CPSF6: variants seen among roughly 807,000 people sequenced by gnomAD.
CPSF6 encodes the protein cleavage and polyadenylation specific factor 6, also known as cleavage and polyadenylation specificity factor subunit 6.
CPSF6 carries 10 observed loss-of-function variants against 56.7 expected under a neutral mutation model. That is an observed-to-expected ratio of 0.18 (90% CI 0.11 to 0.30). The LOEUF is 0.30. Among genes scored for constraint, CPSF6 ranks in the 10% least tolerant of loss-of-function variants. The pLI is 1.00. For missense variants in CPSF6, 419 were observed against 722.9 expected (o/e 0.58, Z 4.82); for synonymous variants, 248 against 244.8 (o/e 1.01, Z -0.12).
chr12:69,259,952 G>T, intron 7 of CPSF6, 92 bp from the exon 8 acceptor site: 1 of 1,326,584 alleles, frequency 7.5e-7, no homozygotes, highest in Non-Finnish European at 1.0e-6. Flanking sequence ...CAGTACTTTT[G>T]TAAAATGCCT....
chr12:69,240,361 C>T (rs1871548847), intron 1 of CPSF6, among the ~76,000 whole-genome samples: 1 of 152,194 alleles, frequency 6.6e-6, no homozygotes, highest in Admixed American at 6.5e-5. Context: ...GAGGTGCGGG[C>T]TCATTTGCAA....
chr12:69,261,190 G>T (rs1226252867), intron 8 of CPSF6, among the ~76,000 whole-genome samples: 1 of 152,182 alleles, frequency 6.6e-6, no homozygotes, highest in Non-Finnish European at 1.5e-5. Context: ...ATGGTCCCCA[G>T]TTTTGTAATT....
Position 69,260,176 on chromosome 12 carries a change from A to G in CPSF6, c.1448A>G (p.Lys483Arg), listed in dbSNP as rs1456402455. 3.1e-6 allele frequency: 5 copies of G among 1,611,274 alleles called. No individual in the cohort carries two copies. Among genetic ancestry groups the G allele is most frequent in the Non-Finnish European group, 4.2e-6 (5 of 1,178,862 alleles). ...GATTGCCTTCATGGAATTGAGTCCAAGTCTTATGGTTCTGGATCAAGGTAA... is the reference window on the plus strand; with the variant it reads ...GATTGCCTTCATGGAATTGAGTCCAGGTCTTATGGTTCTGGATCAAGGTAA... ...LQDCLHGIESKSYGSGSRRER... is the reference protein window; with the variant it reads ...LQDCLHGIESRSYGSGSRRER... Residue 483 changes from lysine (K) to arginine (R), a missense_variant, in exon 8 of 10, where the codon AAG (lysine) becomes AGG (arginine). Physicochemically the swap from Lys to Arg is conservative, Grantham distance 26. Coordinates refer to ENST00000435070, the MANE Select transcript of CPSF6 (RefSeq NM_007007.3).
chr12:69,262,569 A>G lies in CPSF6; in HGVS notation c.*3+7A>G. On this transcript the variant is annotated splice_region_variant and intron_variant, in intron 9 of 9. Transcript: ENST00000435070. ...ATATCGTCATCGTTAGAAGGTGGGT[A>G]TTCCTTGTTCCCTGTTAAATGTGTG... 6.2e-7 allele frequency: 1 copy of G among 1,604,990 alleles called. No individual in the cohort carries two copies. The highest frequency in any genetic ancestry group is 8.5e-7 in the Non-Finnish European group (1 of 1,174,924).
chr12:69,241,750 C>T (rs888688373), intron 1 of CPSF6, among the ~76,000 whole-genome samples: 2 of 152,112 alleles, frequency 1.3e-5, no homozygotes, highest in East Asian at 1.9e-4. Context: ...TACTGCATTA[C>T]GTCTAACACA....
At chr12:69,263,043 A>G (rs754946787) in intron 9 of CPSF6, among the ~76,000 whole-genome samples, 16 of 151,966 alleles carry the variant, frequency 1.1e-4, no homozygotes, top group Non-Finnish European at 1.2e-4. Context: ...ATAGTTTATA[A>G]TACAGGAGGG....
intron 1 of CPSF6, among the ~76,000 whole-genome samples, chr12:69,249,186 G>A (rs1872097246): frequency 7.9e-6 from 1 of 126,988 alleles, no homozygotes; most frequent in Non-Finnish European, 1.6e-5. Context: ...CAGGAGAATG[G>A]CGTGAACCCA....
intron 1 of CPSF6, among the ~76,000 whole-genome samples, chr12:69,243,656 A>G (rs563901332): frequency 7.2e-5 from 11 of 152,318 alleles, no homozygotes; most frequent in Admixed American, 5.2e-4. Context: ...ACACTTGTGT[A>G]GGGCACTCAT....
chr12:69,251,569 A>G (rs1168174127), intron 2 of CPSF6, among the ~76,000 whole-genome samples: 2 of 152,138 alleles, frequency 1.3e-5, no homozygotes, highest in Non-Finnish European at 2.9e-5. Flanking sequence ...GATACTAGTT[A>G]AATATAGTTA....
chr12:69,259,947 C>G (rs1244789274), intron 7 of CPSF6, 97 bp from the exon 8 acceptor site: 10 of 1,277,764 alleles, frequency 7.8e-6, no homozygotes, highest in Non-Finnish European at 1.1e-5. Context: ...TAGCACAGTA[C>G]TTTTGTAAAA....
chr12:69,267,298 T>C (rs1356388228), intron 9 of CPSF6, among the ~76,000 whole-genome samples: 1 of 152,058 alleles, frequency 6.6e-6, no homozygotes, highest in Non-Finnish European at 1.5e-5. Context: ...TTGTTAATAA[T>C]GGCTTGATAT....
chr12:69,259,396 T>C, intron 6 of CPSF6, 32 bp from the exon 7 acceptor site: 1 of 1,598,230 alleles, frequency 6.3e-7, no homozygotes, highest in Non-Finnish European at 8.5e-7. Flanking sequence ...ATCTGTTGAG[T>C]ATGAGTTAAG....
chr12:69,257,990 A>G (rs763287545), intron 5 of CPSF6, 85 bp downstream of exon 5: 3 of 1,545,398 alleles, frequency 1.9e-6, no homozygotes, highest in African/African-American at 2.7e-5. Flanking sequence ...GTAATGCATT[A>G]TTAATGTGAC....
At chr12:69,245,099 A>G (rs939947107) in intron 1 of CPSF6, among the ~76,000 whole-genome samples, 1 of 47,012 alleles carries the variant, frequency 2.1e-5, no homozygotes, top group South Asian at 5.3e-4. Context: ...CTCTATTTAA[A>G]AAAAAAAAAA....
chr12:69,242,636 G>C (rs1871686931), intron 1 of CPSF6, among the ~76,000 whole-genome samples: 1 of 152,108 alleles, frequency 6.6e-6, no homozygotes, highest in African/African-American at 2.4e-5. Flanking sequence ...AGCTGGAAGG[G>C]GAATTTGAAC....
Position 69,258,474 on chromosome 12 carries a change from A to T in CPSF6, c.695-116A>T. ...AACATTTACCATACGGGTTTAATTT[A>T]AAGACAAAGACTTGGTGTATGCTCT... On this transcript the variant is annotated intron_variant, in intron 5 of 9. Transcript: ENST00000435070. The surrounding 1 kb of genome is among the most constrained non-coding windows in gnomAD (Gnocchi z 4.2). 3 of 1,078,724 alleles carry T rather than the reference A, an allele frequency of 2.8e-6. No individual in the cohort carries two copies. The highest frequency in any genetic ancestry group is 3.9e-6 in the Non-Finnish European group (3 of 774,022). The allele number at this position is 1,078,724 out of a possible 1,614,324, so 66.8% of individuals were successfully genotyped here.
At chr12:69,242,434 A>C (rs1232804253) in intron 1 of CPSF6, among the ~76,000 whole-genome samples, 1 of 152,232 alleles carries the variant, frequency 6.6e-6, no homozygotes, top group Non-Finnish European at 1.5e-5. Context: ...TGAGGCATTC[A>C]ACAGTCTTAG....
chr12:69,270,936 A>G lies in CPSF6; in HGVS notation c.*1428A>G, dbSNP rs1441527993. Reference sequence around the variant, plus strand: ...TCTTTGAGAGATCTTCTGTTAATACACATTGGTTGTTAAAGAGTACCCAAA... The same window carrying G: ...TCTTTGAGAGATCTTCTGTTAATACGCATTGGTTGTTAAAGAGTACCCAAA... On this transcript the variant is annotated 3_prime_UTR_variant, in exon 10 of 10. Transcript: ENST00000435070. The G allele has an allele frequency of 6.6e-6, 1 of 151,768 alleles. No homozygotes were observed. Among genetic ancestry groups the G allele is most frequent in the African/African-American group, 2.4e-5 (1 of 41,438 alleles). 9.4% of individuals were successfully genotyped at this position (151,768 alleles called of 1,614,324 possible).
chr12:69,247,699 C>A (rs186822288), intron 1 of CPSF6, among the ~76,000 whole-genome samples: 1 of 152,058 alleles, frequency 6.6e-6, no homozygotes, highest in Non-Finnish European at 1.5e-5. Flanking sequence ...CTCATGCAAA[C>A]ATCATGCATA....
Sources: gnomAD v4.1 joint callset for allele counts (sites outside exome capture counted in the v4.1 genomes callset) on GRCh38, gnomAD v4.1.1 for gene constraint, Gnocchi (gnomAD v3.1) non-coding constraint, MANE v1.5 for transcripts, NCBI Gene and HGNC (gene_info 2026-07-23, HGNC 2026-07-21) for gene names.